Variants in GALNT13 observed in about 807,000 individuals in gnomAD.
GALNT13 encodes the protein polypeptide N-acetylgalactosaminyltransferase 13, also known as UDP-GalNAc:polypeptide N-acetylgalactosaminyltransferase 13.
A neutral mutation model predicts 64.2 loss-of-function variants in GALNT13; 28 were observed. The observed-to-expected ratio is 0.44, with a 90% CI of 0.32 to 0.60. The LOEUF (loss-of-function observed/expected upper bound fraction) is 0.60. Ranked by LOEUF, GALNT13 falls within the 20% of genes least tolerant of loss-of-function variation. The pLI is 0.05. For synonymous variants in GALNT13, 214 were observed against 224.6 expected (o/e 0.95, Z 0.42); for missense variants, 577 against 669.8 (o/e 0.86, Z 1.53).
intron 4 of GALNT13, among the ~76,000 whole-genome samples, chr2:154,237,711 A>G (rs1689270597): frequency 6.6e-6 from 1 of 151,662 alleles, no homozygotes; most frequent in East Asian, 1.9e-4. Context: ...TGAAATTAGC[A>G]TGAGTTTTTC....
rs150968686 is a variant in GALNT13 at position 153,902,226 on chromosome 2, C to T, written c.-105+1219C>T. Among the ~76,000 whole-genome samples the T allele has an allele frequency of 4.1e-3, 629 of 152,186 alleles. 4 individuals carry two copies. The highest frequency in any genetic ancestry group is 0.014 in the African/African-American group (601 of 41,552). ...TGCTCTAAAATTGAATGGATTAAATCGTTCATGCTCCCACACTACTTTTGG... is the reference window on the plus strand; with the variant it reads ...TGCTCTAAAATTGAATGGATTAAATTGTTCATGCTCCCACACTACTTTTGG... On this transcript the variant is annotated intron_variant, in intron 2 of 12. Transcript: ENST00000392825.
chr2:153,723,451 C>A, the GALNT13 span, among the ~76,000 whole-genome samples: 1 of 147,854 alleles, frequency 6.8e-6, no homozygotes, highest in African/African-American at 2.6e-5. Context: ...AAGTTCTGGC[C>A]AGGGAAATCA....
At chr2:153,301,751 G>C in the GALNT13 span, among the ~76,000 whole-genome samples, 1 of 152,048 alleles carries the variant, frequency 6.6e-6, no homozygotes, top group African/African-American at 2.4e-5. Flanking sequence ...ACACATAAGT[G>C]AGGTTATATG....
intron 2 of GALNT13, among the ~76,000 whole-genome samples, chr2:153,905,548 G>A (rs1330890874): frequency 6.6e-6 from 1 of 151,914 alleles, no homozygotes; most frequent in African/African-American, 2.4e-5. Context: ...TACTTAACCT[G>A]CTTCTTGTGA....
chr2:153,718,357 T>C, the GALNT13 span, among the ~76,000 whole-genome samples: 1 of 151,856 alleles, frequency 6.6e-6, no homozygotes, highest in South Asian at 2.1e-4. Context: ...CTTTAGTGTC[T>C]CTCTTAATCA....
chr2:154,419,577 C>T (rs879337469), intron 11 of GALNT13, among the ~76,000 whole-genome samples: 1 of 152,094 alleles, frequency 6.6e-6, no homozygotes, highest in Non-Finnish European at 1.5e-5. Context: ...AAATTCATTT[C>T]ATGGGATCCT....
the GALNT13 span, among the ~76,000 whole-genome samples, chr2:153,080,212 A>G: frequency 6.6e-6 from 1 of 152,016 alleles, no homozygotes; most frequent in Non-Finnish European, 1.5e-5. Flanking sequence ...CTAAAAAATT[A>G]TTTTCAGATT....
At chr2:154,261,728 G>T (rs537467299) in intron 8 of GALNT13, among the ~76,000 whole-genome samples, 3 of 152,114 alleles carry the variant, frequency 2.0e-5, no homozygotes, top group African/African-American at 7.2e-5. Flanking sequence ...ATGCGTAGGT[G>T]TTATTGTCAA....
the GALNT13 span, among the ~76,000 whole-genome samples, chr2:153,327,089 AT>A: frequency 3.0e-3 from 451 of 151,896 alleles, 15 homozygotes; most frequent in East Asian, 0.079. Context: ...GTCTCAAAAA[AT>A]AAAAAAAAAA....
chr2:153,999,870 C>T (rs1200879497), intron 3 of GALNT13, among the ~76,000 whole-genome samples: 6 of 151,674 alleles, frequency 4.0e-5, no homozygotes, highest in South Asian at 2.1e-4. Flanking sequence ...AAAGTTTTTG[C>T]GTGAGTTTGA....
rs1344836417 is a variant in GALNT13 at position 153,893,464 on chromosome 2, AAG to A, written c.-176-7470_-176-7469del. On this transcript the variant is annotated intron_variant, in intron 1 of 12. Coordinates refer to ENST00000392825, the MANE Select transcript of GALNT13 (RefSeq NM_052917.4). ...TTGGAAAATTAGAAAAAATGTAAAA[AAG>A]AATATGAAAATTACTTACATTTTTA... 2.0e-5 allele frequency among the ~76,000 whole-genome samples: 3 copies of A among 152,102 alleles called. No individual in the cohort carries two copies. The East Asian group carries it at 5.8e-4, about 29-fold the overall frequency.
At chr2:154,099,477 C>G (rs917542227) in intron 3 of GALNT13, among the ~76,000 whole-genome samples, 16 of 152,044 alleles carry the variant, frequency 1.1e-4, no homozygotes, top group Admixed American at 3.9e-4. Flanking sequence ...AGGTCTTCAT[C>G]GTAAATTATT....
At chr2:154,361,147 A>G (rs1697044629) in intron 9 of GALNT13, among the ~76,000 whole-genome samples, 2 of 152,056 alleles carry the variant, frequency 1.3e-5, no homozygotes, top group Admixed American at 6.6e-5. Flanking sequence ...TTTGTCTGAT[A>G]TTTAAGTTAT....
chr2:153,245,737 T>C, the GALNT13 span, among the ~76,000 whole-genome samples: 2 of 145,682 alleles, frequency 1.4e-5, no homozygotes, highest in East Asian at 1.9e-4. Flanking sequence ...AGAATGCCTC[T>C]TCTTCTTCAA....
chr2:153,774,662 G>A, the GALNT13 span, among the ~76,000 whole-genome samples: 1 of 152,164 alleles, frequency 6.6e-6, no homozygotes, highest in Non-Finnish European at 1.5e-5. Context: ...TTGGGAGGCT[G>A]AGGCAGGAGG....
At chr2:154,339,762 T>TA (rs141088218) in intron 9 of GALNT13, among the ~76,000 whole-genome samples, 4,852 of 152,154 alleles carry the variant, frequency 0.032, 104 homozygotes, top group Middle Eastern at 0.062. Context: ...CTTTTAGTAG[T>TA]AAAAAACTTT....
At chr2:154,327,178 T>C (rs79505594) in intron 9 of GALNT13, among the ~76,000 whole-genome samples, 2,755 of 152,122 alleles carry the variant, frequency 0.018, 83 homozygotes, top group African/African-American at 0.062. Context: ...AAGGGGCTCT[T>C]CCTCCTTCGT....
chr2:153,181,747 C>T, the GALNT13 span, among the ~76,000 whole-genome samples: 1 of 142,436 alleles, frequency 7.0e-6, no homozygotes, highest in African/African-American at 2.6e-5. Flanking sequence ...AATTTATATA[C>T]ATATTTATAT....
the GALNT13 span, among the ~76,000 whole-genome samples, chr2:153,728,507 A>G: frequency 1.8e-4 from 28 of 152,320 alleles, no homozygotes; most frequent in African/African-American, 6.5e-4. Flanking sequence ...GTTAGGAGGG[A>G]AATTTGTAGC....
Sources: allele counts gnomAD v4.1 joint callset (sites outside exome capture counted in the v4.1 genomes callset), GRCh38; gene constraint gnomAD v4.1.1; transcripts MANE v1.5; gene names NCBI Gene and HGNC (gene_info 2026-07-23, HGNC 2026-07-21).